SLC24A4: variants seen among roughly 807,000 people sequenced by gnomAD.
The protein encoded by SLC24A4 is sodium/potassium/calcium exchanger 4.
In SLC24A4, 53 loss-of-function variants were observed where a neutral mutation model predicts 79.0. The observed-to-expected ratio is 0.67, with a 90% CI of 0.54 to 0.84. The LOEUF is 0.84. SLC24A4 is among the 40% of genes least tolerant of loss of function. SLC24A4 has a pLI of 0.00. For missense variants in SLC24A4, 731 were observed against 822.0 expected, an observed-to-expected ratio of 0.89 and a Z score of 1.35; for synonymous variants, 323 against 323.8, an observed-to-expected ratio of 1.00 and a Z score of 0.03.
Position 92,488,873 on chromosome 14 carries a change from T to C in SLC24A4, c.1537+2093T>C, listed in dbSNP as rs531876193. On this transcript the variant is annotated intron_variant, in intron 14 of 16. Transcript: ENST00000532405. Reference sequence around the variant, plus strand: ...CAAGGAAATGTGCAGTTTAAACAACTGGCCCTGGAGTTCAGGCTAGGGAGG... The same window carrying C: ...CAAGGAAATGTGCAGTTTAAACAACCGGCCCTGGAGTTCAGGCTAGGGAGG... 2.6e-5 allele frequency among the ~76,000 whole-genome samples: 4 copies of C among 152,274 alleles called. 2 individuals are homozygous for C. The highest frequency in any genetic ancestry group is 9.6e-5 in the African/African-American group (4 of 41,560).
intron 14 of SLC24A4, among the ~76,000 whole-genome samples, chr14:92,487,877 C>G (rs1240047182): frequency 1.3e-5 from 2 of 151,994 alleles, no homozygotes; most frequent in African/African-American, 2.4e-5. Flanking sequence ...TCACGCAATC[C>G]TTGGGTCTCC....
rs1341365611 is a variant in SLC24A4 at position 92,497,322 on chromosome 14, TC to T, written c.*3697del. 4 of 152,250 alleles carry T rather than the reference TC, an allele frequency of 2.6e-5. No individual in the cohort carries two copies. The highest frequency in any genetic ancestry group is 9.7e-5 in the African/African-American group (4 of 41,444). 9.4% of individuals were successfully genotyped at this position (152,250 alleles called of 1,614,324 possible). On this transcript the variant is annotated 3_prime_UTR_variant, in exon 17 of 17. Transcript: ENST00000532405. ...GGTCCAGGTTTCTTCCACCTGCTCT[TC>T]CCTGTTTATGGGGATTTGCAAGCCT...
At chr14:92,333,730 T>C (rs1351907306) in intron 2 of SLC24A4, among the ~76,000 whole-genome samples, 1 of 151,948 alleles carries the variant, frequency 6.6e-6, no homozygotes, top group African/African-American at 2.4e-5. Flanking sequence ...AAGCGCTAGA[T>C]GGAGAATCTT....
intron 2 of SLC24A4, among the ~76,000 whole-genome samples, chr14:92,367,385 AG>A (rs1312845090): frequency 1.3e-5 from 2 of 152,248 alleles, no homozygotes; most frequent in Admixed American, 6.5e-5. Flanking sequence ...ACCAAGGCAG[AG>A]GGAGGCCAGG....
At chr14:92,427,409 G>A (rs376968178) in intron 2 of SLC24A4, among the ~76,000 whole-genome samples, 3 of 152,282 alleles carry the variant, frequency 2.0e-5, no homozygotes, top group Admixed American at 6.5e-5. Context: ...GGCAGGGCCA[G>A]ACCGTGCAGG....
At chr14:92,456,179 G>T (rs1893447949) in intron 11 of SLC24A4, among the ~76,000 whole-genome samples, 1 of 152,222 alleles carries the variant, frequency 6.6e-6, no homozygotes, top group African/African-American at 2.4e-5. Flanking sequence ...GGTGGCCCAG[G>T]CCCTCTGATA....
At chr14:92,486,937 T>A (rs150954918) in intron 14 of SLC24A4, among the ~76,000 whole-genome samples, 157 bp downstream of exon 14, 216 of 152,358 alleles carry the variant, frequency 1.4e-3, no homozygotes, top group African/African-American at 5.0e-3. Flanking sequence ...GCATCATTTA[T>A]TAGATTCCAT....
rs1016529826 is a variant in SLC24A4, at chr14:92,398,337, G to A, written c.242-35575G>A. On this transcript the variant is annotated intron_variant, in intron 2 of 16. Transcript: ENST00000532405. This position sits in a 1 kb window ranked among gnomAD's most constrained non-coding sequence, Gnocchi z 4.1. The stretch of plus-strand genomic sequence containing the variant: ...GATGGCCTGGCAGAACTGCAGCAGG[G>A]TTAGAAAGGGAGGAGGCTGGCAGCA... Among the ~76,000 whole-genome samples the A allele has an allele frequency of 2.6e-5, 4 of 152,172 alleles. No homozygotes were observed. Among genetic ancestry groups the A allele is most frequent in the Non-Finnish European group, 5.9e-5 (4 of 68,022 alleles).
chr14:92,334,855 C>T (rs916855444), intron 2 of SLC24A4, among the ~76,000 whole-genome samples: 7 of 151,990 alleles, frequency 4.6e-5, no homozygotes, highest in African/African-American at 7.3e-5. Context: ...ATACGGAGCC[C>T]GTGGTAGCTG....
At chr14:92,458,522 A>G (rs1893617313) in intron 12 of SLC24A4, among the ~76,000 whole-genome samples, 1 of 152,176 alleles carries the variant, frequency 6.6e-6, no homozygotes, top group South Asian at 2.1e-4. Flanking sequence ...GTGGGACATG[A>G]AGAGCAGGAG....
intron 13 of SLC24A4, chr14:92,484,664 G>T (rs1895258498): frequency 1.0e-6 from 1 of 985,280 alleles, no homozygotes; most frequent in Non-Finnish European, 1.2e-6. Flanking sequence ...CCTGGCCTTG[G>T]TTCAGCTAAA....
At chr14:92,361,469 GAA>G (rs1267167150) in intron 2 of SLC24A4, among the ~76,000 whole-genome samples, 1 of 150,382 alleles carries the variant, frequency 6.6e-6, no homozygotes, top group Non-Finnish European at 1.5e-5. Context: ...GTCACCTTGT[GAA>G]AATAAAGCAA....
intron 2 of SLC24A4, among the ~76,000 whole-genome samples, chr14:92,388,147 C>A (rs1460099064): frequency 6.6e-6 from 1 of 152,212 alleles, no homozygotes. Flanking sequence ...TGAAACACAG[C>A]GTACCCCTTT....
At chr14:92,443,000 AC>A (rs1892590954) in intron 6 of SLC24A4, among the ~76,000 whole-genome samples, 184 bp downstream of exon 6, 1 of 152,102 alleles carries the variant, frequency 6.6e-6, no homozygotes. Flanking sequence ...TGTCATTGAT[AC>A]CCCATTAGAT....
chr14:92,478,628 T>C (rs1344747219), intron 12 of SLC24A4, among the ~76,000 whole-genome samples: 1 of 142,818 alleles, frequency 7.0e-6, no homozygotes, highest in Admixed American at 7.6e-5. Flanking sequence ...AAAATCACAG[T>C]GTGTAAATTT....
chr14:92,467,092 C>T (rs1385105715), intron 12 of SLC24A4, among the ~76,000 whole-genome samples: 1 of 152,188 alleles, frequency 6.6e-6, no homozygotes, highest in East Asian at 1.9e-4. Flanking sequence ...GCACAGAGGC[C>T]ACTGACTGAG....
rs1895850222 is a variant in SLC24A4 at position 92,494,269 on chromosome 14, C to T, written c.*641C>T. The T allele has an allele frequency of 6.5e-6, 1 of 152,780 alleles. No homozygotes were observed. Among genetic ancestry groups the T allele is most frequent in the Non-Finnish European group, 1.5e-5 (1 of 68,090 alleles). 9.5% of individuals were successfully genotyped at this position (152,780 alleles called of 1,614,324 possible). ...AGAGAGAAAATGAGTGAATATTCTT[C>T]TCACTTTTATTGATGCATTCAGAGA... On this transcript the variant is annotated 3_prime_UTR_variant, in exon 17 of 17. Coordinates refer to ENST00000532405, the MANE Select transcript of SLC24A4 (RefSeq NM_153646.4). The surrounding 1 kb of genome is among the most constrained non-coding windows in gnomAD (Gnocchi z 4.6).
chr14:92,414,282 C>T (rs902068235), intron 2 of SLC24A4, among the ~76,000 whole-genome samples: 1 of 152,132 alleles, frequency 6.6e-6, no homozygotes, highest in Non-Finnish European at 1.5e-5. Context: ...GTTGTGACAA[C>T]CAAAAATGTC....
chr14:92,403,524 T>G (rs1332433977), intron 2 of SLC24A4, among the ~76,000 whole-genome samples: 1 of 150,800 alleles, frequency 6.6e-6, no homozygotes, highest in African/African-American at 2.4e-5. Context: ...AGGAGAATTG[T>G]GTGAACCCAG....
Sources: allele counts gnomAD v4.1 joint callset (sites outside exome capture counted in the v4.1 genomes callset), GRCh38; gene constraint gnomAD v4.1.1; non-coding constraint Gnocchi (gnomAD v3.1); transcripts MANE v1.5; gene names NCBI Gene and HGNC (gene_info 2026-07-23, HGNC 2026-07-21).